The following TRIM28 variants were observed in gnomAD, a reference collection of about 807,000 sequenced individuals.
The protein encoded by TRIM28 is tripartite motif containing 28, also known as transcription intermediary factor 1-beta.
TRIM28 carries 8 observed loss-of-function variants against 87.4 expected under a neutral mutation model. That is an observed-to-expected ratio of 0.09 (90% CI 0.05 to 0.17). The LOEUF is 0.17. Ranked by LOEUF, TRIM28 falls within the 10% of genes least tolerant of loss-of-function variation. TRIM28 has a pLI of 1.00. For synonymous variants in TRIM28, 601 were observed against 454.3 expected (o/e 1.32, Z -4.11); for missense variants, 968 against 1,131.8 (o/e 0.86, Z 2.08).
Position 58,544,721 on chromosome 19 carries a change from C to G in TRIM28, c.-37C>G. ...TGCGCCTGCGCGGCGGGCCCCGCGC[C>G]CCTCCTCCCCCCCTGGGCGCCCCCG... On this transcript the variant is annotated 5_prime_UTR_variant, in exon 1 of 17. Transcript: ENST00000253024. 1 of 977,454 alleles carries G rather than the reference C, an allele frequency of 1.0e-6. No homozygotes were observed. Among genetic ancestry groups the G allele is most frequent in the Non-Finnish European group, 1.2e-6 (1 of 813,060 alleles). 60.5% of individuals were successfully genotyped at this position (977,454 alleles called of 1,614,324 possible). A position where few individuals can be genotyped will look rare whatever the true frequency, so the allele number is the denominator to read the frequency against.
chr19:58,548,879 A>C lies in TRIM28; in HGVS notation c.1378A>C (p.Ser460Arg). ...TTTCTAAGGAGATGATCCCTACTCA[A>C]GTGCAGAGCCCCATGTGTCAGGTGT... is the stretch of plus-strand genomic sequence containing the variant. ...GFGSGDDPYS[S>R]AEPHVSGVKR... is the part of the protein sequence containing the mutation. Residue 460 changes from serine (S) to arginine (R), a missense_variant, in exon 11 of 17, where the codon AGT becomes CGT. By Grantham distance (110) the Ser-to-Arg change is moderately radical. Transcript: ENST00000253024. 1.9e-6 allele frequency: 3 copies of C among 1,614,052 alleles called. No individual in the cohort carries two copies. Among genetic ancestry groups the C allele is most frequent in the Non-Finnish European group, 2.5e-6 (3 of 1,179,994 alleles).
intron 1 of TRIM28, 132 bp from the exon 2 acceptor site, chr19:58,545,293 A>G: frequency 4.3e-6 from 4 of 931,260 alleles, no homozygotes; most frequent in Non-Finnish European, 6.6e-6. Context: ...AGTTGGAGAA[A>G]AGAAGGCTCG....
At chr19:58,548,687 G>A in intron 9 of TRIM28, 53 bp from the exon 10 acceptor site, 2 of 1,610,132 alleles carry the variant, frequency 1.2e-6, no homozygotes, top group Admixed American at 1.7e-5. Flanking sequence ...CAGGGAATGG[G>A]GTCCAGTAGG....
rs1260907292 is a variant in TRIM28 at position 58,545,052 on chromosome 19, G to A, written c.295G>A (p.Ala99Thr). ...CTGCTTAGGGCCCGCGGCCCCCGCC[G>A]CCGCCAACAGCTCGGGGGACGGCGG... ...SACLGPAAPAAANSSGDGGAA... is the reference protein window; with the variant it reads ...SACLGPAAPATANSSGDGGAA... The change falls in exon 1 of 17, where the codon GCC (alanine) becomes ACC (threonine). Residue 99 changes from alanine (A) to threonine (T), a missense_variant. This residue lies in a region of TRIM28 where 208 missense variants were observed against 170.9 expected (regional missense o/e 1.22). Coordinates refer to ENST00000253024, the MANE Select transcript of TRIM28 (RefSeq NM_005762.3). The A allele has an allele frequency of 2.1e-6, 3 of 1,455,714 alleles. No homozygotes were observed. The highest frequency in any genetic ancestry group is 2.7e-5 in the East Asian group (1 of 37,270). The allele number at this position is 1,455,714 out of a possible 1,614,324, so 90.2% of individuals were successfully genotyped here.
chr19:58,549,475 C>T lies in TRIM28; in HGVS notation c.1807C>T (p.Leu603=), dbSNP rs2053794103. The T allele has an allele frequency of 1.2e-6, 2 of 1,613,426 alleles. No individual in the cohort carries two copies. Among genetic ancestry groups the T allele is most frequent in the Admixed American group, 3.3e-5 (2 of 59,988 alleles). Residue 603 remains leucine (L), a synonymous_variant, in exon 13 of 17, where the codon CTG becomes TTG. Coordinates refer to ENST00000253024, the MANE Select transcript of TRIM28 (RefSeq NM_005762.3). The surrounding 1 kb of genome is among the most constrained non-coding windows in gnomAD (Gnocchi z 4.4). ...ACCTAGTGGCAGCACCAGCTCAGGG[C>T]TGGAGGTGGTGGCTCCTGAGGGTAC... ...ASPSGSTSSG[L]EVVAPEGTSA...
At chr19:58,545,298 G>A in intron 1 of TRIM28, 127 bp from the exon 2 acceptor site, 1 of 934,926 alleles carries the variant, frequency 1.1e-6, no homozygotes, top group South Asian at 1.6e-5. Flanking sequence ...GAGAAAAGAA[G>A]GCTCGGGGAG....
intron 3 of TRIM28, 25 bp from the exon 4 acceptor site, chr19:58,547,351 C>T (rs1259452974): frequency 1.2e-6 from 2 of 1,609,618 alleles, no homozygotes; most frequent in Non-Finnish European, 8.5e-7. Flanking sequence ...GGGCAAGGTC[C>T]AGCCTTATGA....
chr19:58,548,610 C>A lies in TRIM28; in HGVS notation c.1323+18C>A. On this transcript the variant is annotated intron_variant, in intron 9 of 16. Coordinates refer to ENST00000253024, the MANE Select transcript of TRIM28 (RefSeq NM_005762.3). ...GCAGCCAGGTGAGCAGGAGAGAGGACCCAGGAAGGGGTGGGCAGGGAATGG... is the reference window on the plus strand; with the variant it reads ...GCAGCCAGGTGAGCAGGAGAGAGGAACCAGGAAGGGGTGGGCAGGGAATGG... The A allele has an allele frequency of 6.2e-7, 1 of 1,611,756 alleles. No individual in the cohort carries two copies. Among genetic ancestry groups the A allele is most frequent in the Non-Finnish European group, 8.5e-7 (1 of 1,179,082 alleles).
intron 2 of TRIM28, 46 bp downstream of exon 2, chr19:58,545,583 C>A: frequency 6.5e-7 from 1 of 1,530,400 alleles, no homozygotes; most frequent in Non-Finnish European, 9.0e-7. Context: ...GGGGAGGGGG[C>A]ATCTGCGCAG....
chr19:58,546,937 C>T (rs1405536105), intron 3 of TRIM28, among the ~76,000 whole-genome samples: 2 of 151,990 alleles, frequency 1.3e-5, no homozygotes, highest in East Asian at 1.9e-4. Context: ...CTGGTGTTCT[C>T]TTGTCAGGGA....
chr19:58,550,120 G>T (rs760206031), intron 15 of TRIM28, 27 bp from the exon 16 acceptor site: 3 of 1,613,582 alleles, frequency 1.9e-6, no homozygotes. Context: ...GTGTCTTTGT[G>T]TGTGTATGTG....
rs1331905681 is a variant in TRIM28 at position 58,544,576 on chromosome 19, G to T, written c.-182G>T. 1 of 160,440 alleles carries T rather than the reference G, an allele frequency of 6.2e-6. No individual in the cohort carries two copies. Among genetic ancestry groups the T allele is most frequent in the African/African-American group, 2.4e-5 (1 of 41,454 alleles). 9.9% of individuals were successfully genotyped at this position (160,440 alleles called of 1,614,324 possible). On this transcript the variant is annotated 5_prime_UTR_variant, in exon 1 of 17. Coordinates refer to ENST00000253024, the MANE Select transcript of TRIM28 (RefSeq NM_005762.3). ...GCCTTCGGGAGGCGAGCAGGCAGCA[G>T]TTGGCCGTGCCGTAGCAGCGTCCCG...
rs887435186 is a variant in TRIM28, at chr19:58,545,087, C to T, written c.330C>T (p.Gly110=). Reference sequence around the variant, plus strand: ...GCTCGGGGGACGGCGGGGCGGCGGGCGACGGCACCGGTAAGTACGAAGTGA... The same window carrying T: ...GCTCGGGGGACGGCGGGGCGGCGGGTGACGGCACCGGTAAGTACGAAGTGA... ...ANSSGDGGAA[G]DGTVVDCPVC... Residue 110 remains glycine (G), a synonymous_variant, in exon 1 of 17, where the codon GGC becomes GGT. Transcript: ENST00000253024. The T allele has an allele frequency of 3.5e-6, 5 of 1,428,650 alleles. No individual in the cohort carries two copies. The highest frequency in any genetic ancestry group is 3.3e-5 in the Admixed American group (1 of 30,268). The allele number at this position is 1,428,650 out of a possible 1,614,324, so 88.5% of individuals were successfully genotyped here.
Position 58,549,788 on chromosome 19 carries a change from G to A in TRIM28, c.2034G>A (p.Glu678=), listed in dbSNP as rs778322643. The change falls in exon 14 of 17, where the codon GAG becomes GAA. Residue 678 remains glutamate (E), a synonymous_variant. Transcript: ENST00000253024. This position sits in a 1 kb window ranked among gnomAD's most constrained non-coding sequence, Gnocchi z 4.4. ...LCHVLPDLKE[E]DGSLSLDGAD... ...ATGTGCTCCCTGACCTGAAGGAGGA[G>A]GATGGCAGCCTCAGCCTGGATGGTG... The A allele has an allele frequency of 8.7e-6, 14 of 1,612,580 alleles. No individual in the cohort carries two copies. In the African/African-American group the frequency reaches 1.9e-4, roughly 22 times the overall value.
At chr19:58,550,079 G>C (rs1568663238) in intron 15 of TRIM28, 44 bp downstream of exon 15, 8 of 1,613,568 alleles carry the variant, frequency 5.0e-6, no homozygotes, top group Non-Finnish European at 6.8e-6. Flanking sequence ...GTGGCTGCTG[G>C]GTCTCGCCCT....
rs750079195 is a variant in TRIM28 at position 58,548,383 on chromosome 19, C to A, written c.1191C>A (p.Ala397=). ...TGAAGTTTCAGTGGGACCTCAATGC[C>A]TGGACCAAGAGTGCCGAGGCCTTTG... The part of the protein sequence containing the change: ...GEMKFQWDLN[A]WTKSAEAFGK... Residue 397 remains alanine (A), a synonymous_variant, in exon 8 of 17, where the codon GCC becomes GCA. Coordinates refer to ENST00000253024, the MANE Select transcript of TRIM28 (RefSeq NM_005762.3). The A allele has an allele frequency of 2.5e-6, 4 of 1,614,168 alleles. No individual in the cohort carries two copies. In the East Asian group the frequency reaches 8.9e-5, roughly 36 times the overall value.
intron 2 of TRIM28, 63 bp downstream of exon 2, chr19:58,545,600 C>A: frequency 6.7e-7 from 1 of 1,503,548 alleles, no homozygotes; most frequent in Non-Finnish European, 9.2e-7. Context: ...GCAGGAGGAG[C>A]TTGGCACCAG....
At chr19:58,545,692 T>G in intron 2 of TRIM28, 72 bp from the exon 3 acceptor site, 2 of 1,570,146 alleles carry the variant, frequency 1.3e-6, no homozygotes, top group Non-Finnish European at 1.7e-6. Context: ...AATCTCCGGT[T>G]GTATTTTCTG....
At position 58,547,888 on chromosome 19, in the gene TRIM28, G is replaced by C. The variant is rs772921165; in HGVS notation, c.936G>C (p.Val312=). ...IMKELNKRGR[V]LVNDAQKVTE... Reference sequence around the variant, plus strand: ...AGGAGCTGAATAAGCGGGGCCGTGTGCTGGTCAATGATGCCCAGGTAAGCC... The same window carrying C: ...AGGAGCTGAATAAGCGGGGCCGTGTCCTGGTCAATGATGCCCAGGTAAGCC... Residue 312 remains valine (V), a synonymous_variant, in exon 6 of 17, where the codon GTG becomes GTC. Coordinates refer to ENST00000253024, the MANE Select transcript of TRIM28 (RefSeq NM_005762.3). 8 of 1,614,200 alleles carry C rather than the reference G, an allele frequency of 5.0e-6. No homozygotes were observed. The highest frequency in any genetic ancestry group is 6.8e-6 in the Non-Finnish European group (8 of 1,180,044).
Sources: gnomAD v4.1 joint callset for allele counts (sites outside exome capture counted in the v4.1 genomes callset) on GRCh38, gnomAD v4.1.1 for gene constraint, gnomAD v4.1.1 regional missense constraint, Gnocchi (gnomAD v3.1) non-coding constraint, MANE v1.5 for transcripts, NCBI Gene and HGNC (gene_info 2026-07-23, HGNC 2026-07-21) for gene names.